The following SPRYD7 variants were observed in gnomAD, a reference collection of about 807,000 sequenced individuals.
SPRYD7 encodes SPRY domain-containing protein 7.
A neutral mutation model predicts 23.8 loss-of-function variants in SPRYD7; 14 were observed. The ratio of observed to expected loss-of-function variants is 0.59; its 90% CI spans 0.39 to 0.92. The LOEUF is 0.92. SPRYD7 is among the 40% of genes least tolerant of loss of function. SPRYD7 has a pLI of 0.00. For missense variants in SPRYD7, 194 were observed against 241.7 expected (o/e 0.80, Z 1.31); for synonymous variants, 75 against 84.9 (o/e 0.88, Z 0.64).
chr13:49,935,049 G>C (rs1871552855), intron 1 of SPRYD7, among the ~76,000 whole-genome samples: 1 of 152,126 alleles, frequency 6.6e-6, no homozygotes, highest in African/African-American at 2.4e-5. Context: ...ACTACATTTG[G>C]GAGATCTGAG....
intron 3 of SPRYD7, among the ~76,000 whole-genome samples, chr13:49,925,564 C>T (rs1955873035): frequency 6.6e-6 from 1 of 152,072 alleles, no homozygotes; most frequent in Non-Finnish European, 1.5e-5. Flanking sequence ...GTAATCCCAG[C>T]ACTTTGGGAG....
At chr13:49,921,008 G>A (rs906163661) in intron 4 of SPRYD7, among the ~76,000 whole-genome samples, 3 of 151,998 alleles carry the variant, frequency 2.0e-5, no homozygotes, top group Non-Finnish European at 2.9e-5. Context: ...TTAACAATGT[G>A]TCCAGATTTC....
intron 2 of SPRYD7, 86 bp from the exon 3 acceptor site, chr13:49,928,171 G>T: frequency 8.3e-7 from 1 of 1,208,654 alleles, no homozygotes; most frequent in East Asian, 2.4e-5. Flanking sequence ...ACTTTTTAAA[G>T]GAAGTGCTGT....
intron 1 of SPRYD7, among the ~76,000 whole-genome samples, chr13:49,934,555 C>CAAAAAAAAAA (rs889803067): frequency 7.4e-5 from 4 of 54,342 alleles, no homozygotes; most frequent in South Asian, 8.1e-4. Flanking sequence ...AACTCCGTCT[C>CAAAAAAAAAA]AAAAAAAAAA....
At chr13:49,935,984 T>C in intron 1 of SPRYD7, 146 bp downstream of exon 1, 1 of 493,190 alleles carries the variant, frequency 2.0e-6, no homozygotes. Flanking sequence ...CGCCGGCTTC[T>C]GGAGAGATCT....
chr13:49,925,307 G>A (rs890696807), intron 3 of SPRYD7, among the ~76,000 whole-genome samples: 24 of 152,190 alleles, frequency 1.6e-4, no homozygotes, highest in Non-Finnish European at 2.5e-4. Context: ...CGGGAGAATC[G>A]CTTGAATCCA....
chr13:49,933,380 T>C (rs915986364), intron 1 of SPRYD7, among the ~76,000 whole-genome samples: 2 of 151,920 alleles, frequency 1.3e-5, no homozygotes, highest in Admixed American at 1.3e-4. Context: ...GCAGGCAGAT[T>C]ACTTGAGGTC....
chr13:49,919,976 T>G (rs1955800114), intron 4 of SPRYD7, among the ~76,000 whole-genome samples: 1 of 151,944 alleles, frequency 6.6e-6, no homozygotes, highest in South Asian at 2.1e-4. Flanking sequence ...TGGTTACAAG[T>G]TGATAATTGT....
At chr13:49,934,796 A>C (rs1594520862) in intron 1 of SPRYD7, among the ~76,000 whole-genome samples, 1 of 152,152 alleles carries the variant, frequency 6.6e-6, no homozygotes. Flanking sequence ...AACAGTAAAG[A>C]TAGGAAGAAG....
intron 3 of SPRYD7, among the ~76,000 whole-genome samples, chr13:49,923,274 C>T (rs539532623): frequency 7.8e-4 from 119 of 151,934 alleles, no homozygotes; most frequent in Non-Finnish European, 1.2e-3. Flanking sequence ...GACAGAGTCT[C>T]GTTCTGTCAC....
intron 4 of SPRYD7, among the ~76,000 whole-genome samples, chr13:49,917,985 A>C (rs1017198833): frequency 2.6e-5 from 4 of 152,190 alleles, no homozygotes; most frequent in Admixed American, 2.6e-4. Flanking sequence ...TCATATTATT[A>C]TTTATATTTG....
chr13:49,916,427 G>A (rs1263764581), intron 4 of SPRYD7, among the ~76,000 whole-genome samples: 1 of 151,894 alleles, frequency 6.6e-6, no homozygotes, highest in African/African-American at 2.4e-5. Flanking sequence ...AACAAGGGTG[G>A]TTTCAATTAG....
intron 4 of SPRYD7, among the ~76,000 whole-genome samples, chr13:49,918,821 T>C (rs1329066684): frequency 6.6e-6 from 1 of 152,022 alleles, no homozygotes; most frequent in Admixed American, 6.6e-5. Context: ...TTCAAGTGAT[T>C]TTCCTGTCTC....
chr13:49,932,434 G>C (rs1481568453), intron 1 of SPRYD7, among the ~76,000 whole-genome samples: 1 of 152,226 alleles, frequency 6.6e-6, no homozygotes, highest in Non-Finnish European at 1.5e-5. Flanking sequence ...GAGTGAGAAA[G>C]AGAGACACTG....
intron 4 of SPRYD7, among the ~76,000 whole-genome samples, chr13:49,916,164 A>C (rs1269772772): frequency 6.6e-6 from 1 of 152,134 alleles, no homozygotes; most frequent in Non-Finnish European, 1.5e-5. Flanking sequence ...GCAAGTAAAT[A>C]ATCAGCACTG....
At chr13:49,931,475 T>C (rs962644944) in intron 1 of SPRYD7, among the ~76,000 whole-genome samples, 8 of 152,110 alleles carry the variant, frequency 5.3e-5, no homozygotes, top group Admixed American at 2.6e-4. Context: ...GCACCGCGCC[T>C]GGCCAAGTTT....
chr13:49,928,839 A>C (rs1955913878), intron 2 of SPRYD7, among the ~76,000 whole-genome samples: 1 of 152,180 alleles, frequency 6.6e-6, no homozygotes. Flanking sequence ...GTTCAATTTC[A>C]AGCTCTCCCT....
chr13:49,936,092 C>G (rs1871614822), intron 1 of SPRYD7, 38 bp downstream of exon 1: 9 of 1,499,196 alleles, frequency 6.0e-6, no homozygotes, highest in Non-Finnish European at 8.1e-6. Context: ...CGCCCGGCCC[C>G]CGTGAGCCGT....
Position 49,928,013 on chromosome 13 carries a change from C to T in SPRYD7, c.296G>A (p.Ser99Asn), listed in dbSNP as rs765474966. ...NQIPLGRDMH[S>N]LVMRNDGALY... The stretch of plus-strand genomic sequence containing the variant: ...GGCTCCATCATTTCTCATCACCAGA[C>T]TGTGCATATCTCGGCCAAGAGGAAT... The change falls in exon 3 of 5, where the codon AGT becomes AAT. Residue 99 changes from serine to asparagine, a missense_variant. Physicochemically the swap from Ser to Asn is conservative, Grantham distance 46. Coordinates refer to ENST00000361840, the MANE Select transcript of SPRYD7 (RefSeq NM_020456.4). 9 of 1,614,094 alleles carry T rather than the reference C, an allele frequency of 5.6e-6. No individual in the cohort carries two copies. The highest frequency in any genetic ancestry group is 7.6e-6 in the Non-Finnish European group (9 of 1,180,042).
Sources: gnomAD v4.1 joint callset for allele counts (sites outside exome capture counted in the v4.1 genomes callset) on GRCh38, gnomAD v4.1.1 for gene constraint, MANE v1.5 for transcripts, NCBI Gene and HGNC (gene_info 2026-07-23, HGNC 2026-07-21) for gene names.